Variants in SMIM36 observed in about 807,000 individuals in gnomAD.
SMIM36 encodes small integral membrane protein 36.
the SMIM36 span, chr17:55,527,819 C>T: frequency 1.3e-4 from 20 of 152,226 alleles, no homozygotes; most frequent in African/African-American, 4.8e-4. Context: ...GAACTATCAA[C>T]TTAGGTTTGA....
At chr17:55,481,055 T>C (rs552220708) in intron 1 of SMIM36, among the ~76,000 whole-genome samples, 9 of 152,204 alleles carry the variant, frequency 5.9e-5, no homozygotes, top group African/African-American at 2.2e-4. Flanking sequence ...TCTCTCTGTC[T>C]CTTTCTGTCT....
intron 1 of SMIM36, among the ~76,000 whole-genome samples, chr17:55,493,814 A>ATC (rs1198273334): frequency 0.017 from 2,145 of 123,788 alleles, 55 homozygotes; most frequent in African/African-American, 0.047. Flanking sequence ...CTCTCAAAAA[A>ATC]AAAAAAAAAA....
In SMIM36 at chr17:55,483,483, C is replaced by T. The variant is rs1298902085; in HGVS notation, c.*175-3903G>A. On this transcript the variant is annotated intron_variant, in intron 1 of 4. Transcript: ENST00000636752. ...TCAGTAGAACAGTAAAGCAGATGACCCTCCATCATGTGGGTGGGCCTCCTC... is the reference window on the plus strand; with the variant it reads ...TCAGTAGAACAGTAAAGCAGATGACTCTCCATCATGTGGGTGGGCCTCCTC... Among the ~76,000 whole-genome samples, 3 of 152,070 alleles carry T rather than the reference C, an allele frequency of 2.0e-5. No homozygotes were observed. In the East Asian group the frequency reaches 5.8e-4, roughly 29 times the overall value.
At chr17:55,526,193 G>A in the SMIM36 span, among the ~76,000 whole-genome samples, 13 of 151,096 alleles carry the variant, frequency 8.6e-5, no homozygotes, top group African/African-American at 3.2e-4. Flanking sequence ...CTCCAGGCTG[G>A]AGTGCAGTGG....
chr17:55,513,207 T>C (rs967533035), upstream of SMIM36, among the ~76,000 whole-genome samples: 1 of 152,132 alleles, frequency 6.6e-6, no homozygotes, highest in Non-Finnish European at 1.5e-5. Context: ...AAAATCTTCA[T>C]GGATAATTTT....
chr17:55,511,165 G>T (rs1415490874), exon 1 of SMIM36: 10 of 398,526 alleles, frequency 2.5e-5, no homozygotes, highest in Non-Finnish European at 4.4e-5. Flanking sequence ...CAACCGGATG[G>T]AGGGCTGGGC....
chr17:55,500,994 A>C (rs1291971002), intron 1 of SMIM36, among the ~76,000 whole-genome samples: 1 of 59,830 alleles, frequency 1.7e-5, no homozygotes, highest in South Asian at 5.5e-4. Context: ...TATATATTAT[A>C]ATATGTAACA....
chr17:55,474,009 C>T (rs559995717), intron 3 of SMIM36, among the ~76,000 whole-genome samples: 4 of 152,176 alleles, frequency 2.6e-5, no homozygotes, highest in East Asian at 1.9e-4. Context: ...TTCTAATTAC[C>T]AGTGCATGCA....
chr17:55,524,943 T>G, the SMIM36 span, among the ~76,000 whole-genome samples: 1 of 152,214 alleles, frequency 6.6e-6, no homozygotes, highest in Non-Finnish European at 1.5e-5. Flanking sequence ...CACTGAGCCA[T>G]CCGATCCTCC....
At chr17:55,453,590 C>T (rs576711649) in intron 4 of SMIM36, among the ~76,000 whole-genome samples, 16 of 152,246 alleles carry the variant, frequency 1.1e-4, no homozygotes, top group African/African-American at 3.9e-4. Context: ...CAAAAGTGCA[C>T]ATATCATTGG....
intron 1 of SMIM36, among the ~76,000 whole-genome samples, chr17:55,495,109 G>A (rs1279448902): frequency 6.6e-6 from 1 of 152,146 alleles, no homozygotes; most frequent in Non-Finnish European, 1.5e-5. Context: ...CAAAGTAGGT[G>A]CTTTACAAAT....
At chr17:55,501,201 A>ATAATATATAATATATCTTATATT (rs1567870951) in intron 1 of SMIM36, among the ~76,000 whole-genome samples, 2 of 5,414 alleles carry the variant, frequency 3.7e-4, no homozygotes, top group African/African-American at 9.3e-3. Flanking sequence ...TATCTTATAT[A>ATAATATATAATATATCTTATATT]TTATAATATA....
At chr17:55,529,456 A>G in the SMIM36 span, among the ~76,000 whole-genome samples, 1 of 151,876 alleles carries the variant, frequency 6.6e-6, no homozygotes, top group Admixed American at 6.6e-5. Flanking sequence ...AATGCCCTCT[A>G]TACAAAAAAT....
At chr17:55,520,963 A>G in the SMIM36 span, among the ~76,000 whole-genome samples, 2 of 152,130 alleles carry the variant, frequency 1.3e-5, no homozygotes, top group Non-Finnish European at 2.9e-5. Context: ...GTCTGTACTA[A>G]AAATACAAAA....
At chr17:55,492,245 T>TCTTTC (rs200313916) in intron 1 of SMIM36, among the ~76,000 whole-genome samples, 1 of 130,680 alleles carries the variant, frequency 7.7e-6, no homozygotes, top group African/African-American at 3.0e-5. Flanking sequence ...TTTCTTTCTT[T>TCTTTC]TTTTTTTTTT....
At chr17:55,484,156 CA>C (rs1909567073) in intron 1 of SMIM36, among the ~76,000 whole-genome samples, 1 of 150,198 alleles carries the variant, frequency 6.7e-6, no homozygotes, top group Non-Finnish European at 1.5e-5. Flanking sequence ...AAAAAACAAA[CA>C]ACAAAAAAAA....
At chr17:55,507,260 T>C (rs1474265247) in intron 1 of SMIM36, among the ~76,000 whole-genome samples, 1 of 59,724 alleles carries the variant, frequency 1.7e-5, no homozygotes, top group Non-Finnish European at 2.7e-5. Flanking sequence ...ATCATGCTGC[T>C]ATAAAGACAC....
chr17:55,461,357 T>G (rs1909145876), intron 4 of SMIM36, among the ~76,000 whole-genome samples: 1 of 152,082 alleles, frequency 6.6e-6, no homozygotes, highest in South Asian at 2.1e-4. Flanking sequence ...TCTCAACACA[T>G]AATACTAAAT....
intron 4 of SMIM36, among the ~76,000 whole-genome samples, chr17:55,453,124 A>G (rs1460121561): frequency 1.3e-5 from 2 of 152,198 alleles, no homozygotes; most frequent in Non-Finnish European, 2.9e-5. Flanking sequence ...AGCCTGGACA[A>G]CATAATGACA....
Sources: gnomAD v4.1 joint callset for allele counts (sites outside exome capture counted in the v4.1 genomes callset) on GRCh38, gnomAD v4.1.1 for gene constraint, MANE v1.5 for transcripts, NCBI Gene and HGNC (gene_info 2026-07-23, HGNC 2026-07-21) for gene names.